ZMYM6: variants seen among roughly 807,000 people sequenced by gnomAD.
ZMYM6 encodes zinc finger MYM-type protein 6.
A neutral mutation model predicts 134.0 loss-of-function variants in ZMYM6; 90 were observed. That is an observed-to-expected ratio of 0.67 (90% CI 0.57 to 0.80). The LOEUF (loss-of-function observed/expected upper bound fraction) is 0.80. Among genes scored for constraint, ZMYM6 ranks in the 30% least tolerant of loss-of-function variants. ZMYM6 has a pLI of 0.00. For missense variants in ZMYM6, 1,362 were observed against 1,533.9 expected, an observed-to-expected ratio of 0.89 and a Z score of 1.87; for synonymous variants, 481 against 524.1, an observed-to-expected ratio of 0.92 and a Z score of 1.12.
intron 1 of ZMYM6, 113 bp from the exon 2 acceptor site, chr1:35,030,826 C>T (rs1569807142): frequency 1.7e-6 from 1 of 571,846 alleles, no homozygotes; most frequent in South Asian, 2.5e-5. Flanking sequence ...AACAACTCTT[C>T]TGGGGCCACA....
At chr1:35,006,257 C>T (rs748833061) in intron 12 of ZMYM6, among the ~76,000 whole-genome samples, 2 of 152,194 alleles carry the variant, frequency 1.3e-5, no homozygotes, top group Non-Finnish European at 2.9e-5. Context: ...ATTTGCCCAT[C>T]TCAGCCTTCC....
intron 8 of ZMYM6, 98 bp downstream of exon 8, chr1:35,011,792 T>C (rs1569775376): frequency 1.2e-6 from 1 of 859,358 alleles, no homozygotes; most frequent in East Asian, 3.1e-5. Context: ...TTAATTCAAA[T>C]TTAAACTTTC....
At position 35,007,006 on chromosome 1, in the gene ZMYM6, A is replaced by G; in HGVS notation, c.1758T>C (p.Cys586=). 1 of 1,613,270 alleles carries G rather than the reference A, an allele frequency of 6.2e-7. No individual in the cohort carries two copies. The highest frequency in any genetic ancestry group is 8.5e-7 in the Non-Finnish European group (1 of 1,179,768). The change falls in exon 12 of 16, where the codon TGT becomes TGC. Residue 586 remains cysteine (C), a synonymous_variant. Coordinates refer to ENST00000357182, the MANE Select transcript of ZMYM6 (RefSeq NM_007167.4). The part of the protein sequence containing the change: ...GNIKHFCNLF[C]VLEFCHQQIM... The stretch of plus-strand genomic sequence containing the variant: ...TTTGCTGATGACAAAACTCCAAGAC[A>G]CAAAATAGGTTACAGAAATGTTTAA...
chr1:34,995,124 T>C (rs2148444716), intron 14 of ZMYM6, among the ~76,000 whole-genome samples: 1 of 142,924 alleles, frequency 7.0e-6, no homozygotes, highest in Non-Finnish European at 1.5e-5. Flanking sequence ...TATGTATACA[T>C]ATACATATAT....
chr1:34,992,212 G>A (rs1557557679), intron 15 of ZMYM6, 22 bp downstream of exon 15: 1 of 1,613,614 alleles, frequency 6.2e-7, no homozygotes, highest in Non-Finnish European at 8.5e-7. Flanking sequence ...CTTTGTACAT[G>A]GGAACGCACA....
chr1:35,005,029 G>C, intron 13 of ZMYM6, 103 bp downstream of exon 13: 3 of 1,406,000 alleles, frequency 2.1e-6, no homozygotes, highest in Non-Finnish European at 2.9e-6. Flanking sequence ...TTGCACTCCA[G>C]CCTGGGCAAC....
intron 15 of ZMYM6, chr1:34,989,327 C>G (rs1640626809): frequency 1.1e-6 from 1 of 873,394 alleles, no homozygotes; most frequent in Admixed American, 6.2e-5. Flanking sequence ...CACTTGAGCC[C>G]TGGAGTTAGA....
intron 12 of ZMYM6, 21 bp from the exon 13 acceptor site, chr1:35,005,293 A>G: frequency 6.2e-7 from 1 of 1,611,534 alleles, no homozygotes; most frequent in South Asian, 1.1e-5. Flanking sequence ...TAAAAAGTTA[A>G]GATCTGGAAT....
At chr1:35,006,547 A>C (rs1400428372) in intron 12 of ZMYM6, among the ~76,000 whole-genome samples, 1 of 152,192 alleles carries the variant, frequency 6.6e-6, no homozygotes, top group African/African-American at 2.4e-5. Context: ...GCTCTGAAAC[A>C]AATTTTACAC....
In ZMYM6 at chr1:35,015,084, T is replaced by C; in HGVS notation, c.507A>G (p.Ser169=). The change falls in exon 5 of 16, where the codon TCA becomes TCG. Residue 169 remains serine (S), a synonymous_variant. Coordinates refer to ENST00000357182, the MANE Select transcript of ZMYM6 (RefSeq NM_007167.4). ...SYPSKDFCSQ[S]CLSSYELKKK... ...TCTTTAGCTCATAAGATGACAAGCA[T>C]GATTGGCTGCAGAAATCTTTGCTAG... is the stretch of plus-strand genomic sequence containing the variant. 1 of 1,614,046 alleles carries C rather than the reference T, an allele frequency of 6.2e-7. No individual in the cohort carries two copies. The highest frequency in any genetic ancestry group is 8.5e-7 in the Non-Finnish European group (1 of 1,179,992).
chr1:35,002,976 T>C (rs1569759873), intron 14 of ZMYM6, among the ~76,000 whole-genome samples: 1 of 151,798 alleles, frequency 6.6e-6, no homozygotes, highest in African/African-American at 2.4e-5. Flanking sequence ...AGTTTGAGAC[T>C]AGCCTGGGCA....
Position 35,031,915 on chromosome 1 carries a change from A to G in ZMYM6, c.-175T>C, listed in dbSNP as rs1465594294. ...TCTCTTCTGGAATTCCGCCTGATCC[A>G]TCCCAACGCAACGACCGGCCAACCA... is the stretch of plus-strand genomic sequence containing the variant. On this transcript the variant is annotated 5_prime_UTR_variant, in exon 1 of 16. An upstream start codon of the reference 5' UTR is lost. Transcript: ENST00000357182. The G allele has an allele frequency of 6.6e-6, 1 of 152,520 alleles. No individual in the cohort carries two copies. The highest frequency in any genetic ancestry group is 1.5e-5 in the Non-Finnish European group (1 of 68,304). 9.4% of individuals were successfully genotyped at this position (152,520 alleles called of 1,614,324 possible). A position where few individuals can be genotyped will look rare whatever the true frequency, so the allele number is the denominator to read the frequency against.
At chr1:35,022,995 C>A (rs1321269741) in intron 2 of ZMYM6, among the ~76,000 whole-genome samples, 2 of 152,026 alleles carry the variant, frequency 1.3e-5, no homozygotes, top group Non-Finnish European at 2.9e-5. Context: ...TATTACCTAA[C>A]CCATAGGGCC....
In ZMYM6 at chr1:35,011,009, T is replaced by C; in HGVS notation, c.1090A>G (p.Asn364Asp). Reference protein sequence around the residue: ...QNVFSKPKGTNSSAVPLSQGQ... With the variant: ...QNVFSKPKGTDSSAVPLSQGQ... ...TGAGACAGGGGCACCGCCGAAGAGT[T>C]TGTTCCTTTTGGCTTGCTAAATACA... Residue 364 changes from asparagine to aspartate, a missense_variant, in exon 9 of 16, where the codon AAC becomes GAC. Physicochemically the swap from Asn to Asp is conservative, Grantham distance 23. Transcript: ENST00000357182. 6.2e-7 allele frequency: 1 copy of C among 1,613,806 alleles called. No homozygotes were observed. The highest frequency in any genetic ancestry group is 1.7e-5 in the Admixed American group (1 of 59,958).
At chr1:35,025,850 A>G (rs1226395525) in intron 2 of ZMYM6, among the ~76,000 whole-genome samples, 1 of 152,132 alleles carries the variant, frequency 6.6e-6, no homozygotes, top group African/African-American at 2.4e-5. Context: ...CAGCTTCCTC[A>G]TGGGTAAAGT....
At chr1:34,991,795 A>AC (rs1262545444) in intron 15 of ZMYM6, among the ~76,000 whole-genome samples, 1 of 151,858 alleles carries the variant, frequency 6.6e-6, no homozygotes, top group East Asian at 1.9e-4. Flanking sequence ...AACAAACAAA[A>AC]AAAAACCCAG....
intron 14 of ZMYM6, among the ~76,000 whole-genome samples, chr1:34,998,484 G>A (rs1640825438): frequency 1.3e-5 from 2 of 152,088 alleles, no homozygotes; most frequent in South Asian, 4.1e-4. Flanking sequence ...GATCTGATTT[G>A]GGTTTTTAAA....
At chr1:35,013,447 A>G in intron 6 of ZMYM6, 1 of 983,904 alleles carries the variant, frequency 1.0e-6, no homozygotes, top group Non-Finnish European at 1.2e-6. Context: ...AAGACAGAGT[A>G]CAATACTAGT....
At chr1:35,018,440 AC>A (rs1235353291) in intron 4 of ZMYM6, 1 of 152,120 alleles carries the variant, frequency 6.6e-6, no homozygotes, top group Non-Finnish European at 1.5e-5. Flanking sequence ...ATAGGGGCCT[AC>A]AAGTGATATG....
Sources: gnomAD v4.1 joint callset for allele counts (sites outside exome capture counted in the v4.1 genomes callset) on GRCh38, gnomAD v4.1.1 for gene constraint, MANE v1.5 for transcripts, NCBI Gene and HGNC (gene_info 2026-07-23, HGNC 2026-07-21) for gene names.